ADCY2: variants seen among roughly 807,000 people sequenced by gnomAD.
ADCY2 encodes the protein adenylate cyclase 2.
Under a neutral mutation model 125.2 loss-of-function variants are expected in ADCY2, and 31 were observed. The ratio of observed to expected loss-of-function variants is 0.25; its 90% CI spans 0.19 to 0.33. The LOEUF is 0.33. ADCY2 is among the 10% of genes least tolerant of loss of function. The probability of loss-of-function intolerance (pLI) is 1.00; values close to 1 mark genes in which losing one functional copy is unlikely to be tolerated. For synonymous variants in ADCY2, 512 were observed against 548.4 expected, an observed-to-expected ratio of 0.93 and a Z score of 0.93; for missense variants, 904 against 1,418.2, an observed-to-expected ratio of 0.64 and a Z score of 5.82.
chr5:7,712,122 C>A (rs188855355), intron 10 of ADCY2, among the ~76,000 whole-genome samples: 1 of 152,246 alleles, frequency 6.6e-6, no homozygotes, highest in East Asian at 1.9e-4. Flanking sequence ...CTTTCCTTTC[C>A]GTAGGCTAAA....
chr5:7,644,252 A>AT (rs1277225432), intron 4 of ADCY2, among the ~76,000 whole-genome samples: 1 of 152,042 alleles, frequency 6.6e-6, no homozygotes, highest in Non-Finnish European at 1.5e-5. Context: ...CACTTCCTAA[A>AT]TTTAAAGGCA....
At chr5:7,800,722 A>T (rs1239219335) in intron 20 of ADCY2, 1 of 152,202 alleles carries the variant, frequency 6.6e-6, no homozygotes, top group African/African-American at 2.4e-5. Context: ...AAGCACAGGG[A>T]CATCAGTGGA....
At chr5:7,600,511 G>A (rs1045195678) in intron 3 of ADCY2, among the ~76,000 whole-genome samples, 1 of 152,146 alleles carries the variant, frequency 6.6e-6, no homozygotes, top group African/African-American at 2.4e-5. Context: ...GACTGGAGAG[G>A]GTCTGAGATG....
chr5:7,675,571 T>A (rs1299445528), intron 4 of ADCY2, among the ~76,000 whole-genome samples: 1 of 152,218 alleles, frequency 6.6e-6, no homozygotes, highest in Non-Finnish European at 1.5e-5. Context: ...GAGGCTAACA[T>A]ATGAAGGTTT....
chr5:7,661,446 C>A (rs970084284), intron 4 of ADCY2, among the ~76,000 whole-genome samples: 7 of 152,034 alleles, frequency 4.6e-5, no homozygotes, highest in Admixed American at 2.0e-4. Flanking sequence ...CAAAGGCAAC[C>A]CCTCCCAATA....
At chr5:7,569,371 C>T (rs1315691736) in intron 3 of ADCY2, among the ~76,000 whole-genome samples, 1 of 152,086 alleles carries the variant, frequency 6.6e-6, no homozygotes, top group East Asian at 1.9e-4. Flanking sequence ...TTGAAAAAGA[C>T]TTGGGCCAAA....
chr5:7,572,099 A>G (rs943057313), intron 3 of ADCY2, among the ~76,000 whole-genome samples: 20 of 152,308 alleles, frequency 1.3e-4, no homozygotes, highest in African/African-American at 4.8e-4. Flanking sequence ...TGCAGTGAAC[A>G]TACACTTGCA....
At chr5:7,688,291 A>C (rs551646128) in intron 4 of ADCY2, among the ~76,000 whole-genome samples, 1 of 150,004 alleles carries the variant, frequency 6.7e-6, no homozygotes, top group South Asian at 2.1e-4. Context: ...TTTTTGAGAC[A>C]GAGTCTCACT....
At chr5:7,666,458 T>C (rs189388687) in intron 4 of ADCY2, among the ~76,000 whole-genome samples, 29 of 149,888 alleles carry the variant, frequency 1.9e-4, no homozygotes, top group East Asian at 6.1e-4. Context: ...TTAGTAGAGA[T>C]GGGGTTTCAC....
At chr5:7,738,785 A>G (rs754668489) in intron 14 of ADCY2, among the ~76,000 whole-genome samples, 1 of 152,006 alleles carries the variant, frequency 6.6e-6, no homozygotes, top group African/African-American at 2.4e-5. Flanking sequence ...AGAGATAAAT[A>G]TAGATAGTGA....
chr5:7,698,471 G>T (rs1423749117), intron 7 of ADCY2, 97 bp downstream of exon 7: 1 of 1,335,570 alleles, frequency 7.5e-7, no homozygotes. Flanking sequence ...TACATGTACT[G>T]TGTTGGTTTC....
intron 2 of ADCY2, among the ~76,000 whole-genome samples, chr5:7,418,647 G>GTTTTTTTTTTTTTTTTTGT (rs1740054436): frequency 1.4e-5 from 1 of 73,750 alleles, no homozygotes; most frequent in Admixed American, 1.4e-4. Context: ...TCTACCTTCT[G>GTTTTTTTTTTTTTTTTTGT]TTTTTTTTTT....
intron 2 of ADCY2, among the ~76,000 whole-genome samples, chr5:7,467,852 A>G (rs917205764): frequency 6.6e-6 from 1 of 152,276 alleles, no homozygotes; most frequent in Non-Finnish European, 1.5e-5. Flanking sequence ...TCATCTTGAC[A>G]TTTCAGTTGG....
At chr5:7,589,461 A>AGAAAGAAAGAAAGAAC (rs1736750347) in intron 3 of ADCY2, among the ~76,000 whole-genome samples, 1 of 43,736 alleles carries the variant, frequency 2.3e-5, no homozygotes, top group Non-Finnish European at 5.0e-5. Flanking sequence ...GGAAAGAAAA[A>AGAAAGAAAGAAAGAAC]GAAAGAAAGA....
At chr5:7,534,318 T>C (rs550535003) in intron 3 of ADCY2, among the ~76,000 whole-genome samples, 2 of 152,366 alleles carry the variant, frequency 1.3e-5, no homozygotes, top group East Asian at 3.9e-4. Flanking sequence ...AAACATAAAT[T>C]GCATGCATGT....
At chr5:7,524,407 T>C (rs766632129) in intron 3 of ADCY2, among the ~76,000 whole-genome samples, 16 of 152,170 alleles carry the variant, frequency 1.1e-4, no homozygotes, top group Admixed American at 3.9e-4. Flanking sequence ...CTGCAAACAC[T>C]GGGAAGTCCA....
intron 4 of ADCY2, chr5:7,654,292 G>A: frequency 2.7e-6 from 1 of 373,442 alleles, no homozygotes; most frequent in Admixed American, 3.3e-5. Context: ...GCTCTGGTGG[G>A]GTGGCGGGGA....
At chr5:7,532,391 C>T (rs962506922) in intron 3 of ADCY2, among the ~76,000 whole-genome samples, 2 of 152,154 alleles carry the variant, frequency 1.3e-5, no homozygotes, top group Admixed American at 6.5e-5. Context: ...TTAGGTTTTC[C>T]GGGTAAGTAG....
intron 14 of ADCY2, among the ~76,000 whole-genome samples, chr5:7,742,115 A>G (rs1742455575): frequency 6.8e-6 from 1 of 147,350 alleles, no homozygotes; most frequent in African/African-American, 2.5e-5. Flanking sequence ...AAAAGCTAGG[A>G]GAGCATAGTG....
Sources: allele counts gnomAD v4.1 joint callset (sites outside exome capture counted in the v4.1 genomes callset), GRCh38; gene constraint gnomAD v4.1.1; transcripts MANE v1.5; gene names NCBI Gene and HGNC (gene_info 2026-07-23, HGNC 2026-07-21).